INPP5A: variants seen among roughly 807,000 people sequenced by gnomAD.
INPP5A encodes the protein 43 kDa inositol polyphosphate 5-phophatase.
In INPP5A, 14 loss-of-function variants were observed where a neutral mutation model predicts 65.2. The ratio of observed to expected loss-of-function variants is 0.21; its 90% CI spans 0.14 to 0.34. The LOEUF is 0.34. Ranked by LOEUF, INPP5A falls within the 10% of genes least tolerant of loss-of-function variation. The pLI, the probability that INPP5A is intolerant of heterozygous loss-of-function variation, is 1.00. For missense variants in INPP5A, 431 were observed against 545.6 expected (o/e 0.79, Z 2.09); for synonymous variants, 207 against 208.3 (o/e 0.99, Z 0.05).
rs7098610 is a variant in INPP5A at position 132,609,542 on chromosome 10, G to A, written c.117+1586G>A. On this transcript the variant is annotated intron_variant, in intron 2 of 15. Transcript: ENST00000368594. ...ACTGAATGTTTAGGTGTGTGTGACCGGCAAGGAGCAGAACCTGCCGCCTAC... is the reference window on the plus strand; with the variant it reads ...ACTGAATGTTTAGGTGTGTGTGACCAGCAAGGAGCAGAACCTGCCGCCTAC... Among the ~76,000 whole-genome samples the A allele has an allele frequency of 5.8e-3, 884 of 152,322 alleles. 6 individuals carry two copies. Among genetic ancestry groups the A allele is most frequent in the South Asian group, 0.011 (54 of 4,830 alleles).
chr10:132,561,373 T>G (rs1204540638), intron 1 of INPP5A, among the ~76,000 whole-genome samples: 1 of 152,200 alleles, frequency 6.6e-6, no homozygotes, highest in East Asian at 1.9e-4. Flanking sequence ...TTGAGTTAAT[T>G]TTTGTATCTG....
chr10:132,669,957 C>CT (rs1208563882), intron 4 of INPP5A, among the ~76,000 whole-genome samples: 1 of 151,214 alleles, frequency 6.6e-6, no homozygotes, highest in South Asian at 2.1e-4. Flanking sequence ...TGTCCAAACT[C>CT]TTATCTTCTC....
chr10:132,668,419 A>G (rs1755171515), intron 4 of INPP5A, among the ~76,000 whole-genome samples: 1 of 152,222 alleles, frequency 6.6e-6, no homozygotes. Flanking sequence ...TCAGAAGCAC[A>G]TTTGACGGAC....
At chr10:132,595,455 G>A (rs978816942) in intron 1 of INPP5A, among the ~76,000 whole-genome samples, 4 of 152,068 alleles carry the variant, frequency 2.6e-5, no homozygotes, top group East Asian at 1.9e-4. Context: ...GTTCACTGCC[G>A]TCCTCACCTA....
intron 1 of INPP5A, among the ~76,000 whole-genome samples, chr10:132,573,969 G>T (rs2071384615): frequency 7.7e-6 from 1 of 129,846 alleles, no homozygotes; most frequent in Non-Finnish European, 1.6e-5. Flanking sequence ...GTGAGGTTTT[G>T]TTGAGATGTT....
intron 1 of INPP5A, among the ~76,000 whole-genome samples, chr10:132,539,934 C>G (rs1382084355): frequency 6.6e-6 from 1 of 152,202 alleles, no homozygotes. Flanking sequence ...ATTATACTGA[C>G]CTGCTGGGGA....
intron 1 of INPP5A, among the ~76,000 whole-genome samples, chr10:132,558,615 C>T (rs1180039043): frequency 6.6e-6 from 1 of 152,168 alleles, no homozygotes; most frequent in African/African-American, 2.4e-5. Flanking sequence ...CGATGAGGAG[C>T]GCTGTTGGAG....
intron 1 of INPP5A, among the ~76,000 whole-genome samples, chr10:132,539,758 TGCAC>T (rs1285184489): frequency 6.8e-6 from 1 of 147,432 alleles, no homozygotes; most frequent in Non-Finnish European, 1.5e-5. Flanking sequence ...GTGCCACTGA[TGCAC>T]GCGTGGTTTC....
rs574923775 is a variant in INPP5A, at chr10:132,710,471, G to A, written c.647+15G>A. 2.5e-5 allele frequency: 41 copies of A among 1,610,714 alleles called. No individual in the cohort carries two copies. In the East Asian group the frequency reaches 8.7e-4, roughly 34 times the overall value. ...GTGCTGGACAGGTAGGTGTGGGCGG[G>A]CAGGTAGGCGTGGGCCGGGCAAGTA... On this transcript the variant is annotated intron_variant, in intron 8 of 15. Coordinates refer to ENST00000368594, the MANE Select transcript of INPP5A (RefSeq NM_005539.5).
chr10:132,729,808 A>G (rs1452983756), intron 9 of INPP5A, among the ~76,000 whole-genome samples: 1 of 152,216 alleles, frequency 6.6e-6, no homozygotes, highest in East Asian at 1.9e-4. Context: ...CAAACTACAG[A>G]GGACGGGAAT....
At chr10:132,732,553 T>C (rs1846105059) in intron 9 of INPP5A, among the ~76,000 whole-genome samples, 1 of 152,204 alleles carries the variant, frequency 6.6e-6, no homozygotes. Context: ...TGTGTCAAAT[T>C]CCACAGCTCA....
intron 1 of INPP5A, among the ~76,000 whole-genome samples, chr10:132,597,969 G>A (rs543138175): frequency 2.6e-5 from 4 of 152,286 alleles, no homozygotes; most frequent in Admixed American, 6.5e-5. Context: ...CCTGTGGTGC[G>A]TGTTCCCGGG....
At chr10:132,553,326 C>T (rs537279654) in intron 1 of INPP5A, among the ~76,000 whole-genome samples, 10 of 140,322 alleles carry the variant, frequency 7.1e-5, no homozygotes, top group Admixed American at 1.4e-4. Flanking sequence ...GATTGGTGAA[C>T]GCCTTCTCAG....
Position 132,562,442 on chromosome 10 carries a change from G to A in INPP5A, c.75+24271G>A, listed in dbSNP as rs190187371. Among the ~76,000 whole-genome samples, 183 of 152,354 alleles carry A rather than the reference G, an allele frequency of 1.2e-3. 1 individual carries two copies. Among genetic ancestry groups the A allele is most frequent in the African/African-American group, 3.8e-3 (158 of 41,586 alleles). On this transcript the variant is annotated intron_variant, in intron 1 of 15. Transcript: ENST00000368594. Reference sequence around the variant, plus strand: ...GGGGGTGGCTCCCCCCATGAGGTGCGTAGAGTTCCTGTGAGGAGTGTGCAC... The same window carrying A: ...GGGGGTGGCTCCCCCCATGAGGTGCATAGAGTTCCTGTGAGGAGTGTGCAC...
intron 4 of INPP5A, among the ~76,000 whole-genome samples, chr10:132,667,116 A>G (rs994973616): frequency 2.0e-5 from 3 of 152,182 alleles, no homozygotes; most frequent in Non-Finnish European, 4.4e-5. Flanking sequence ...TTATATATCT[A>G]TTTATGAGAT....
intron 8 of INPP5A, among the ~76,000 whole-genome samples, chr10:132,712,840 G>GT (rs989384644): frequency 3.3e-5 from 5 of 151,404 alleles, no homozygotes; most frequent in African/African-American, 1.2e-4. Context: ...GGGTGCATAT[G>GT]TGTAGGCTTG....
At chr10:132,618,349 G>GGACATT (rs368718236) in intron 2 of INPP5A, among the ~76,000 whole-genome samples, 162 of 152,254 alleles carry the variant, frequency 1.1e-3, no homozygotes, top group African/African-American at 3.7e-3. Context: ...CACATCTGCT[G>GGACATT]GACATTGTGC....
In INPP5A at chr10:132,545,343, A is replaced by T. The variant is rs562059185; in HGVS notation, c.75+7172A>T. On this transcript the variant is annotated intron_variant, in intron 1 of 15. Coordinates refer to ENST00000368594, the MANE Select transcript of INPP5A (RefSeq NM_005539.5). This position sits in a 1 kb window ranked among gnomAD's most constrained non-coding sequence, Gnocchi z 4.6. ...CAGGGGCTAGAGGGGCATTCGGAAG[A>T]CTTTGACCAGATCGGGGCGGCTGAG... Among the ~76,000 whole-genome samples the T allele has an allele frequency of 2.6e-4, 39 of 151,988 alleles. 1 individual carries two copies. In the South Asian group the frequency reaches 8.1e-3, roughly 32 times the overall value.
chr10:132,579,266 G>A (rs994952906), intron 1 of INPP5A, among the ~76,000 whole-genome samples: 15 of 152,266 alleles, frequency 9.9e-5, no homozygotes, highest in African/African-American at 2.6e-4. Flanking sequence ...GCGGGGTGGC[G>A]AGTGGGGCTC....
Sources: allele counts gnomAD v4.1 joint callset (sites outside exome capture counted in the v4.1 genomes callset), GRCh38; gene constraint gnomAD v4.1.1; non-coding constraint Gnocchi (gnomAD v3.1); transcripts MANE v1.5; gene names NCBI Gene and HGNC (gene_info 2026-07-23, HGNC 2026-07-21).